Variants in CAMSAP1 observed in about 807,000 individuals in gnomAD.
CAMSAP1 encodes the protein calmodulin-regulated spectrin-associated protein 1.
In CAMSAP1, 58 loss-of-function variants were observed where a neutral mutation model predicts 143.5. The ratio of observed to expected loss-of-function variants is 0.40; its 90% CI spans 0.33 to 0.50. The LOEUF (loss-of-function observed/expected upper bound fraction) is 0.50. CAMSAP1 is among the 20% of genes least tolerant of loss of function. The pLI is 0.45. For synonymous variants in CAMSAP1, 945 were observed against 859.3 expected (o/e 1.10, Z -1.74); for missense variants, 1,969 against 2,115.7 (o/e 0.93, Z 1.36).
At position 135,850,756 on chromosome 9, in the gene CAMSAP1, T is replaced by C. The variant is rs1038017791; in HGVS notation, c.809-295A>G. 8.5e-5 allele frequency among the ~76,000 whole-genome samples: 13 copies of C among 152,324 alleles called. No individual in the cohort carries two copies. In the South Asian group the frequency reaches 2.7e-3, roughly 32 times the overall value. On this transcript the variant is annotated intron_variant, in intron 5 of 16. Transcript: ENST00000389532. ...CAAAACAAACAGCAACAATCACCTT[T>C]CACTTTACAGCAGAGCCATGCTGCA...
intron 16 of CAMSAP1, among the ~76,000 whole-genome samples, chr9:135,813,123 C>G (rs925148990): frequency 6.6e-6 from 1 of 152,228 alleles, no homozygotes; most frequent in African/African-American, 2.4e-5. Flanking sequence ...TCTGCCCTCA[C>G]AGTTCTCCAC....
chr9:135,865,744 G>A (rs1408773741), intron 4 of CAMSAP1, among the ~76,000 whole-genome samples: 1 of 152,162 alleles, frequency 6.6e-6, no homozygotes, highest in Admixed American at 6.5e-5. Flanking sequence ...ATCCAGATGA[G>A]GGAGGCATAC....
At chr9:135,874,251 T>C (rs138519107) in intron 3 of CAMSAP1, among the ~76,000 whole-genome samples, 266 of 152,286 alleles carry the variant, frequency 1.7e-3, no homozygotes, top group African/African-American at 4.5e-3. Context: ...GGCAGGCGGA[T>C]CCTTTGAGCT....
Position 135,820,546 on chromosome 9 carries a change from C to CA in CAMSAP1, c.3822+292dup, listed in dbSNP as rs10715807. On this transcript the variant is annotated intron_variant, in intron 11 of 16. Transcript: ENST00000389532. This position sits in a 1 kb window ranked among gnomAD's most constrained non-coding sequence, Gnocchi z 4.4. ...GACAGGGTTTTGACTGGAAAACCAG[C>CA]AAAAAAAAAAAAACTATGTTGAAAA... Among the ~76,000 whole-genome samples the CA allele has an allele frequency of 1.6e-3, 226 of 145,714 alleles. 3 individuals carry two copies. In the East Asian group the frequency reaches 0.019, roughly 12 times the overall value.
intron 7 of CAMSAP1, among the ~76,000 whole-genome samples, chr9:135,838,674 C>CT (rs1836221880): frequency 7.0e-6 from 1 of 143,290 alleles, no homozygotes; most frequent in Non-Finnish European, 1.5e-5. Flanking sequence ...ACTTTCCACC[C>CT]GTTCTACAGA....
intron 4 of CAMSAP1, among the ~76,000 whole-genome samples, chr9:135,863,960 A>T (rs1298319789): frequency 6.6e-6 from 1 of 152,192 alleles, no homozygotes; most frequent in Non-Finnish European, 1.5e-5. Context: ...AACACTCCGG[A>T]ACTACAAGAG....
At chr9:135,880,460 G>A (rs897870800) in intron 3 of CAMSAP1, among the ~76,000 whole-genome samples, 1 of 152,106 alleles carries the variant, frequency 6.6e-6, no homozygotes, top group Non-Finnish European at 1.5e-5. Flanking sequence ...CTACCTCACC[G>A]CAGGATAAGG....
At chr9:135,865,294 C>T in intron 4 of CAMSAP1, 1 of 1,548,716 alleles carries the variant, frequency 6.5e-7, no homozygotes, top group South Asian at 1.2e-5. Flanking sequence ...GACAGGATGG[C>T]TCTGTAGATG....
At chr9:135,881,250 A>G (rs1837937107) in intron 3 of CAMSAP1, among the ~76,000 whole-genome samples, 1 of 151,960 alleles carries the variant, frequency 6.6e-6, no homozygotes, top group East Asian at 1.9e-4. Flanking sequence ...CCAGCTACTC[A>G]GGAGGCTGAG....
chr9:135,860,684 C>T (rs73559455), intron 5 of CAMSAP1, among the ~76,000 whole-genome samples: 2,717 of 151,300 alleles, frequency 0.018, 89 homozygotes, highest in African/African-American at 0.063. Context: ...CCAACCCCTC[C>T]GCCGTCTTCT....
intron 14 of CAMSAP1, among the ~76,000 whole-genome samples, chr9:135,816,970 T>C (rs1402139681): frequency 6.6e-6 from 1 of 152,132 alleles, no homozygotes; most frequent in African/African-American, 2.4e-5. Context: ...GAGGCTGCGT[T>C]GAGAAAGACG....
Position 135,809,939 on chromosome 9 carries a change from AAC to A in CAMSAP1, c.*1368_*1369del, listed in dbSNP as rs772470612. On this transcript the variant is annotated 3_prime_UTR_variant, in exon 17 of 17. Coordinates refer to ENST00000389532, the MANE Select transcript of CAMSAP1 (RefSeq NM_015447.4). ...GTTTTTTGTCTATCTAAAATTATGT[AAC>A]AGTTAAATTTGTCTCTTTTTCTCCC... 14 of 152,682 alleles carry A rather than the reference AAC, an allele frequency of 9.2e-5. No homozygotes were observed. The highest frequency in any genetic ancestry group is 4.1e-4 in the South Asian group (2 of 4,828). The allele number at this position is 152,682 out of a possible 1,614,324, so 9.5% of individuals were successfully genotyped here. A position where few individuals can be genotyped will look rare whatever the true frequency, so the allele number is the denominator to read the frequency against.
chr9:135,905,674 G>A (rs143488196), intron 1 of CAMSAP1, among the ~76,000 whole-genome samples: 1 of 152,358 alleles, frequency 6.6e-6, no homozygotes, highest in Non-Finnish European at 1.5e-5. Flanking sequence ...GTCTCAGAAA[G>A]AGACATCATT....
Position 135,882,697 on chromosome 9 carries a change from A to G in CAMSAP1, c.423+119T>C. ...CTAAGGAACGCCAGTGTGCAAAAGC[A>G]CGGGTCTCCACCACCTCGCCGCACA... On this transcript the variant is annotated intron_variant, in intron 2 of 16. Coordinates refer to ENST00000389532, the MANE Select transcript of CAMSAP1 (RefSeq NM_015447.4). This position sits in a 1 kb window ranked among gnomAD's most constrained non-coding sequence, Gnocchi z 4.9. The G allele has an allele frequency of 8.3e-7, 1 of 1,207,932 alleles. No individual in the cohort carries two copies. 74.8% of individuals were successfully genotyped at this position (1,207,932 alleles called of 1,614,324 possible). A position where few individuals can be genotyped will look rare whatever the true frequency, so the allele number is the denominator to read the frequency against.
chr9:135,876,327 T>C (rs1195273954), intron 3 of CAMSAP1, among the ~76,000 whole-genome samples: 1 of 152,196 alleles, frequency 6.6e-6, no homozygotes, highest in African/African-American at 2.4e-5. Context: ...TCATGATACA[T>C]ACATCTGACA....
intron 14 of CAMSAP1, among the ~76,000 whole-genome samples, chr9:135,817,232 G>A (rs1214213602): frequency 6.6e-6 from 1 of 152,188 alleles, no homozygotes; most frequent in Non-Finnish European, 1.5e-5. Context: ...ACACTCTTGG[G>A]ATAACTGAGG....
chr9:135,854,201 T>C (rs748094309), intron 5 of CAMSAP1, among the ~76,000 whole-genome samples: 10 of 152,194 alleles, frequency 6.6e-5, no homozygotes, highest in Admixed American at 1.3e-4. Flanking sequence ...CCTGAGTCCG[T>C]TTCCTTTGTA....
intron 3 of CAMSAP1, among the ~76,000 whole-genome samples, chr9:135,874,414 A>G (rs1268870779): frequency 3.0e-5 from 4 of 131,702 alleles, no homozygotes; most frequent in African/African-American, 1.1e-4. Context: ...TGAGGCTACA[A>G]TGAGCTATGA....
intron 1 of CAMSAP1, among the ~76,000 whole-genome samples, chr9:135,891,298 G>A (rs1366549411): frequency 6.6e-6 from 1 of 152,236 alleles, no homozygotes; most frequent in Admixed American, 6.5e-5. Context: ...AAGGAGGAAA[G>A]CCCATCTTTC....
Sources: allele counts gnomAD v4.1 joint callset (sites outside exome capture counted in the v4.1 genomes callset), GRCh38; gene constraint gnomAD v4.1.1; non-coding constraint Gnocchi (gnomAD v3.1); transcripts MANE v1.5; gene names NCBI Gene and HGNC (gene_info 2026-07-23, HGNC 2026-07-21).